The following NEK7 variants were observed in gnomAD, a reference collection of about 807,000 sequenced individuals.
NEK7 encodes the protein NIMA related kinase 7, also known as serine/threonine-protein kinase Nek7.
Under a neutral mutation model 44.6 loss-of-function variants are expected in NEK7, and 18 were observed. The observed-to-expected ratio is 0.40, with a 90% confidence interval of 0.28 to 0.60. NEK7 has a LOEUF of 0.60. NEK7 is among the 20% of genes least tolerant of loss of function. NEK7 has a pLI of 0.38. For synonymous variants in NEK7, 130 were observed against 121.1 expected (o/e 1.07, Z -0.48); for missense variants, 256 against 366.5 (o/e 0.70, Z 2.46).
intron 7 of NEK7, among the ~76,000 whole-genome samples, chr1:198,282,392 CTG>C: frequency 2.0e-5 from 3 of 152,182 alleles, no homozygotes; most frequent in Admixed American, 2.0e-4. Flanking sequence ...TATTGACTGA[CTG>C]TATCTCCCCA....
At chr1:198,208,904 C>T (rs963795296) in intron 1 of NEK7, among the ~76,000 whole-genome samples, 1 of 152,054 alleles carries the variant, frequency 6.6e-6, no homozygotes, top group African/African-American at 2.4e-5. Context: ...GTTTGCATAA[C>T]AGTCAGTGGA....
Position 198,321,298 on chromosome 1 carries a change from T to C in NEK7, c.*1776T>C, listed in dbSNP as rs1346968442. 6.6e-6 allele frequency: 1 copy of C among 152,194 alleles called. No homozygotes were observed. Among genetic ancestry groups the C allele is most frequent in the Non-Finnish European group, 1.5e-5 (1 of 68,024 alleles). The allele number at this position is 152,194 out of a possible 1,614,324, so 9.4% of individuals were successfully genotyped here. ...TAAAGGAAACCTGTTTTGTTTGTTT[T>C]TCCTGAGGGCTAGATGCATTTTTTT... On this transcript the variant is annotated 3_prime_UTR_variant, in exon 10 of 10. Coordinates refer to ENST00000367385, the MANE Select transcript of NEK7 (RefSeq NM_133494.3).
At chr1:198,204,893 A>G (rs1294025364) in intron 1 of NEK7, among the ~76,000 whole-genome samples, 1 of 152,134 alleles carries the variant, frequency 6.6e-6, no homozygotes, top group Non-Finnish European at 1.5e-5. Context: ...TTCAAGAGAC[A>G]TCCGCGTGTG....
At chr1:198,262,356 A>C (rs1254181154) in intron 3 of NEK7, among the ~76,000 whole-genome samples, 2 of 151,918 alleles carry the variant, frequency 1.3e-5, no homozygotes, top group African/African-American at 4.8e-5. Context: ...AGGGGTATCT[A>C]CCTGTTCTCT....
intron 1 of NEK7, among the ~76,000 whole-genome samples, chr1:198,179,964 T>A (rs1409606002): frequency 6.6e-6 from 1 of 152,148 alleles, no homozygotes; most frequent in East Asian, 1.9e-4. Context: ...AACTTCTTTC[T>A]TTGGAGTTTC....
chr1:198,162,048 C>T (rs188974881), intron 1 of NEK7, among the ~76,000 whole-genome samples: 2 of 152,208 alleles, frequency 1.3e-5, no homozygotes, highest in East Asian at 3.9e-4. Flanking sequence ...AGAGCCTGTG[C>T]TTTAGCAGAG....
intron 9 of NEK7, among the ~76,000 whole-genome samples, chr1:198,308,501 C>A (rs767496442): frequency 2.0e-5 from 3 of 152,164 alleles, no homozygotes; most frequent in African/African-American, 7.2e-5. Flanking sequence ...ATTTCAGATA[C>A]CCTGGTGAAT....
intron 1 of NEK7, among the ~76,000 whole-genome samples, chr1:198,177,883 A>G (rs1483792768): frequency 6.6e-6 from 1 of 152,110 alleles, no homozygotes; most frequent in Non-Finnish European, 1.5e-5. Flanking sequence ...TTTGTTTTCT[A>G]AATGGCTAGA....
intron 2 of NEK7, among the ~76,000 whole-genome samples, chr1:198,234,241 A>G (rs1666484037): frequency 6.6e-6 from 1 of 152,024 alleles, no homozygotes; most frequent in Non-Finnish European, 1.5e-5. Context: ...ACCTGTCTGA[A>G]TTGTCTATAT....
chr1:198,314,306 G>A (rs1655282458), intron 9 of NEK7, among the ~76,000 whole-genome samples: 1 of 152,066 alleles, frequency 6.6e-6, no homozygotes, highest in Admixed American at 6.5e-5. Flanking sequence ...GCACTTCTCT[G>A]TAATGGTTAT....
chr1:198,201,694 G>T (rs1279579289), intron 1 of NEK7, among the ~76,000 whole-genome samples: 7 of 152,000 alleles, frequency 4.6e-5, no homozygotes, highest in African/African-American at 9.7e-5. Context: ...TAATTTTTAT[G>T]CTCTTCTGCT....
intron 5 of NEK7, among the ~76,000 whole-genome samples, chr1:198,267,733 G>A (rs978154589): frequency 6.6e-6 from 1 of 152,028 alleles, no homozygotes; most frequent in African/African-American, 2.4e-5. Flanking sequence ...GTGAGCCACT[G>A]TGTCCAGCCT....
chr1:198,182,922 C>T (rs1023303179), intron 1 of NEK7, among the ~76,000 whole-genome samples: 11 of 152,036 alleles, frequency 7.2e-5, no homozygotes, highest in African/African-American at 2.7e-4. Context: ...CTAGAGTATA[C>T]CATAGTATAG....
chr1:198,251,528 C>T (rs566861298), intron 2 of NEK7, among the ~76,000 whole-genome samples: 12 of 151,842 alleles, frequency 7.9e-5, no homozygotes, highest in Non-Finnish European at 1.5e-4. Flanking sequence ...GGTTGGTAAG[C>T]TATTGATTAT....
In NEK7 at chr1:198,217,883, C is replaced by T. The variant is rs554638421; in HGVS notation, c.-28-14670C>T. ...CCCCAAGCCTAGGAATATACTTAAC[C>T]AAGTAGGTGAAAGATCTCTACAAGG... On this transcript the variant is annotated intron_variant, in intron 1 of 9. Transcript: ENST00000367385. Among the ~76,000 whole-genome samples the T allele has an allele frequency of 1.6e-4, 23 of 145,800 alleles. No individual in the cohort carries two copies. In the South Asian group the frequency reaches 4.1e-3, roughly 26 times the overall value.
At chr1:198,175,605 T>G (rs1664582701) in intron 1 of NEK7, among the ~76,000 whole-genome samples, 1 of 152,238 alleles carries the variant, frequency 6.6e-6, no homozygotes, top group African/African-American at 2.4e-5. Flanking sequence ...GCTGAATGAT[T>G]AGCTTAGTGA....
intron 1 of NEK7, among the ~76,000 whole-genome samples, chr1:198,203,755 AG>A (rs1665505461): frequency 1.3e-5 from 2 of 152,222 alleles, no homozygotes; most frequent in African/African-American, 4.8e-5. Flanking sequence ...CATCTAAAGC[AG>A]GGGCTGCTAA....
At chr1:198,307,795 A>G (rs1255757702) in intron 9 of NEK7, among the ~76,000 whole-genome samples, 1 of 152,170 alleles carries the variant, frequency 6.6e-6, no homozygotes, top group Non-Finnish European at 1.5e-5. Context: ...GATACCTTAA[A>G]TCAAGTGGCA....
intron 1 of NEK7, among the ~76,000 whole-genome samples, chr1:198,158,492 G>A (rs565328081): frequency 6.6e-6 from 1 of 152,320 alleles, no homozygotes; most frequent in Non-Finnish European, 1.5e-5. Context: ...GAGAATTAAA[G>A]TACAGAGTAT....
Sources: gnomAD v4.1 joint callset for allele counts (sites outside exome capture counted in the v4.1 genomes callset) on GRCh38, gnomAD v4.1.1 for gene constraint, MANE v1.5 for transcripts, NCBI Gene and HGNC (gene_info 2026-07-23, HGNC 2026-07-21) for gene names.